Variants in NAV1 observed in about 807,000 individuals in gnomAD.
NAV1 encodes the protein pore membrane and/or filament interacting like protein 3.
Under a neutral mutation model 175.2 loss-of-function variants are expected in NAV1, and 18 were observed. The ratio of observed to expected loss-of-function variants is 0.10; its 90% confidence interval spans 0.07 to 0.15. NAV1 has a LOEUF of 0.15. Among genes scored for constraint, NAV1 ranks in the 10% least tolerant of loss-of-function variants. NAV1 has a pLI of 1.00. For synonymous variants in NAV1, 897 were observed against 978.7 expected (o/e 0.92, Z 1.56); for missense variants, 1,731 against 2,436.6 (o/e 0.71, Z 6.10).
intron 1 of NAV1, among the ~76,000 whole-genome samples, chr1:201,629,203 C>A (rs146358735): frequency 6.6e-6 from 1 of 152,286 alleles, no homozygotes; most frequent in Non-Finnish European, 1.5e-5. Flanking sequence ...CCCTGCCTGG[C>A]GCAGCTTTGC....
chr1:201,732,790 G>C (rs1672919259), intron 3 of NAV1, among the ~76,000 whole-genome samples: 1 of 152,226 alleles, frequency 6.6e-6, no homozygotes. Flanking sequence ...AAAAGAAATG[G>C]CCAGGTGTGG....
At chr1:201,747,774 G>T (rs1000381342) in intron 3 of NAV1, among the ~76,000 whole-genome samples, 5 of 152,030 alleles carry the variant, frequency 3.3e-5, no homozygotes, top group Non-Finnish European at 5.9e-5. Context: ...TATGTATTTG[G>T]TGCCCATAAT....
chr1:201,673,233 G>A (rs1022761112), intron 1 of NAV1: 3 of 152,192 alleles, frequency 2.0e-5, no homozygotes, highest in African/African-American at 4.8e-5. Flanking sequence ...CAACACTTCC[G>A]GCCCGTGGGC....
rs755581838 is a variant in NAV1, at chr1:201,810,091, C to T, written c.4547C>T (p.Ser1516Leu). The T allele has an allele frequency of 2.3e-5, 37 of 1,613,794 alleles. No homozygotes were observed. In the South Asian group the frequency reaches 4.0e-4, roughly 17 times the overall value. Residue 1516 changes from serine to leucine, a missense_variant, in exon 23 of 30, where the codon TCA becomes TTA. Ser to Leu is a moderately radical substitution (Grantham distance 145). Coordinates refer to ENST00000367296, the Ensembl canonical transcript of NAV1. The surrounding 1 kb of genome is among the most constrained non-coding windows in gnomAD (Gnocchi z 6.0). ...TGCCGTCGAGGTGTCAATAACATAT[C>T]AGTCTCCCTCAAAGGTCAGTCTTTG...
intron 1 of NAV1, among the ~76,000 whole-genome samples, chr1:201,680,912 C>A (rs1466786126): frequency 6.6e-6 from 1 of 152,184 alleles, no homozygotes; most frequent in Non-Finnish European, 1.5e-5. Context: ...GCCCATGCTT[C>A]TTTACTTCTC....
intron 1 of NAV1, among the ~76,000 whole-genome samples, chr1:201,710,904 ATG>A (rs1371679893): frequency 6.6e-6 from 1 of 152,050 alleles, no homozygotes; most frequent in African/African-American, 2.4e-5. Context: ...CCCCTTGGAG[ATG>A]TGTGTGCCTG....
chr1:201,802,944 G>A, intron 15 of NAV1, among the ~76,000 whole-genome samples: 1 of 152,214 alleles, frequency 6.6e-6, no homozygotes, highest in Non-Finnish European at 1.5e-5. Context: ...TCCCTGGACA[G>A]TGCCTTTGCA....
chr1:201,753,804 A>G (rs1167763720), intron 3 of NAV1, among the ~76,000 whole-genome samples: 2 of 152,250 alleles, frequency 1.3e-5, no homozygotes, highest in Non-Finnish European at 1.5e-5. Flanking sequence ...ATAAAGGGCT[A>G]GCTTCTGTTT....
rs764290818 is a variant in NAV1 at position 201,782,355 on chromosome 1, G to T, written c.1843G>T (p.Gly615Cys). 1 of 1,614,152 alleles carries T rather than the reference G, an allele frequency of 6.2e-7. No individual in the cohort carries two copies. The highest frequency in any genetic ancestry group is 2.2e-5 in the East Asian group (1 of 44,854). ...CTACAAGAAGCCTCCTCCTGCCACA[G>T]GCACAGCCACTGTCATGCAAACTGG... Residue 615 changes from glycine to cysteine, a missense_variant, in exon 6 of 30, where the codon GGC becomes TGC. This residue lies in a region of NAV1 where 634 missense variants were observed against 766.8 expected (regional missense o/e 0.83). Coordinates refer to ENST00000367296, the Ensembl canonical transcript of NAV1. The surrounding 1 kb of genome is among the most constrained non-coding windows in gnomAD (Gnocchi z 5.4).
chr1:201,746,564 T>C (rs1210617134), intron 3 of NAV1, among the ~76,000 whole-genome samples: 17 of 152,266 alleles, frequency 1.1e-4, no homozygotes, highest in African/African-American at 3.9e-4. Context: ...TTAACAGTTA[T>C]TGGGGAATAA....
At chr1:201,702,821 A>G (rs150188241) in intron 1 of NAV1, among the ~76,000 whole-genome samples, 11 of 151,756 alleles carry the variant, frequency 7.2e-5, no homozygotes, top group Non-Finnish European at 5.9e-5. Context: ...ATTTGCTGTT[A>G]TATGTCCTTG....
At chr1:201,811,358 C>T (rs891609442) in intron 24 of NAV1, among the ~76,000 whole-genome samples, 1 of 152,088 alleles carries the variant, frequency 6.6e-6, no homozygotes, top group African/African-American at 2.4e-5. Context: ...AGTGAAAATC[C>T]ATCTAGGAAA....
rs545396148 is a variant in NAV1, at chr1:201,783,780, C to T, written c.2732C>T (p.Pro911Leu). The change falls in exon 7 of 30, where the codon CCT (proline) becomes CTT (leucine). Residue 911 changes from proline (P) to leucine (L), a missense_variant. Coordinates refer to ENST00000367296, the Ensembl canonical transcript of NAV1. Reference sequence around the variant, plus strand: ...CCCGTCCCCACCCCACCTGCTCCCCCTGCTGCTCCCACAGAAGAAGAGACG... The same window carrying T: ...CCCGTCCCCACCCCACCTGCTCCCCTTGCTGCTCCCACAGAAGAAGAGACG... 37 of 1,614,178 alleles carry T rather than the reference C, an allele frequency of 2.3e-5. 1 individual carries two copies. The South Asian group carries it at 2.6e-4, about 11-fold the overall frequency.
upstream of NAV1, among the ~76,000 whole-genome samples, chr1:201,619,366 G>A (rs1172353463): frequency 6.6e-6 from 1 of 152,072 alleles, no homozygotes; most frequent in African/African-American, 2.4e-5. Context: ...GCTCTTGGTT[G>A]GGGGTGGTTG....
At position 201,735,391 on chromosome 1, in the gene NAV1, C is replaced by T. The variant is rs542040692; in HGVS notation, c.1226+16636C>T. On this transcript the variant is annotated intron_variant, in intron 3 of 29. Transcript: ENST00000367296. ...GGCTCAAACGTTCTGGATTTTCTGA[C>T]CACATGAACTGGGTCTGATCCAGGG... Among the ~76,000 whole-genome samples, 3 of 152,344 alleles carry T rather than the reference C, an allele frequency of 2.0e-5. No homozygotes were observed. The South Asian group carries it at 6.2e-4, about 32-fold the overall frequency.
chr1:201,553,569 G>GT (rs1327036984), intron 1 of NAV1, among the ~76,000 whole-genome samples: 2 of 152,176 alleles, frequency 1.3e-5, no homozygotes, highest in African/African-American at 4.8e-5. Flanking sequence ...CACACAGATC[G>GT]ATGTGTTTTT....
rs1359353858 is a variant in NAV1, at chr1:201,787,712, G to A, written c.2996-756G>A. 2.2e-6 allele frequency: 1 copy of A among 456,222 alleles called. No individual in the cohort carries two copies. The highest frequency in any genetic ancestry group is 4.4e-6 in the Non-Finnish European group (1 of 226,924). The allele number at this position is 456,222 out of a possible 1,614,324, so 28.3% of individuals were successfully genotyped here. ...TATGGAGGCAGAAGAATAGACAAGGGAGCTCCTTGTGGGTATGAAACCCTG... is the reference window on the plus strand; with the variant it reads ...TATGGAGGCAGAAGAATAGACAAGGAAGCTCCTTGTGGGTATGAAACCCTG... On this transcript the variant is annotated intron_variant, in intron 9 of 29. Coordinates refer to ENST00000367296, the Ensembl canonical transcript of NAV1. This position sits in a 1 kb window ranked among gnomAD's most constrained non-coding sequence, Gnocchi z 4.3.
chr1:201,639,199 G>T lies in NAV1; in HGVS notation c.5-9435G>T, dbSNP rs376165609. ...TTAGAGGAAAGCATTAGAGGTCAAA[G>T]TTGTCAGCAGGTGAAGCCAGAGTGG... On this transcript the variant is annotated intron_variant, in intron 2 of 29. Coordinates refer to the NAV1 transcript ENST00000367302. 2.4e-4 allele frequency among the ~76,000 whole-genome samples: 36 copies of T among 152,362 alleles called. 1 individual carries two copies. The highest frequency in any genetic ancestry group is 8.7e-4 in the African/African-American group (36 of 41,584).
At chr1:201,599,790 T>A (rs1053696797) in intron 2 of NAV1, among the ~76,000 whole-genome samples, 2 of 152,126 alleles carry the variant, frequency 1.3e-5, no homozygotes, top group African/African-American at 4.8e-5. Flanking sequence ...GTCTGTGTCA[T>A]AAACAAGGAG....
Sources: gnomAD v4.1 joint callset for allele counts (sites outside exome capture counted in the v4.1 genomes callset) on GRCh38, gnomAD v4.1.1 for gene constraint, gnomAD v4.1.1 regional missense constraint, Gnocchi (gnomAD v3.1) non-coding constraint, MANE v1.5 for transcripts, NCBI Gene and HGNC (gene_info 2026-07-23, HGNC 2026-07-21) for gene names.